The following ANKRD55 variants were observed in gnomAD, a reference collection of about 807,000 sequenced individuals.
ANKRD55 encodes the protein ankyrin repeat domain 55.
Under a neutral mutation model 60.6 loss-of-function variants are expected in ANKRD55, and 41 were observed. The observed-to-expected ratio is 0.68, with a 90% confidence interval of 0.53 to 0.88. The LOEUF (loss-of-function observed/expected upper bound fraction) is 0.88, where lower values mean the gene tolerates loss of function less well. Ranked by LOEUF, ANKRD55 falls within the 40% of genes least tolerant of loss-of-function variation. The pLI is 0.00. For missense variants in ANKRD55, 732 were observed against 767.6 expected (o/e 0.95, Z 0.55); for synonymous variants, 264 against 290.3 (o/e 0.91, Z 0.92).
At chr5:56,157,667 T>C (rs1758227199) in intron 6 of ANKRD55, among the ~76,000 whole-genome samples, 1 of 152,226 alleles carries the variant, frequency 6.6e-6, no homozygotes, top group South Asian at 2.1e-4. Flanking sequence ...AGCACTTTTT[T>C]CTTAACCTTG....
chr5:56,191,993 A>T (rs1759105022), intron 2 of ANKRD55, among the ~76,000 whole-genome samples: 1 of 152,226 alleles, frequency 6.6e-6, no homozygotes, highest in Non-Finnish European at 1.5e-5. Context: ...GTCCTAATGG[A>T]ATCTAAAATG....
chr5:56,230,909 T>C (rs1238032966), intron 2 of ANKRD55, among the ~76,000 whole-genome samples: 1 of 152,136 alleles, frequency 6.6e-6, no homozygotes, highest in Non-Finnish European at 1.5e-5. Flanking sequence ...GCAATAATAA[T>C]AACAGCTGCA....
intron 5 of ANKRD55, among the ~76,000 whole-genome samples, chr5:56,163,468 G>A (rs925450321): frequency 1.3e-5 from 2 of 152,178 alleles, no homozygotes; most frequent in Admixed American, 6.5e-5. Context: ...CATCAGCCAA[G>A]TTCAGACTCC....
At chr5:56,132,970 C>T (rs780912243) in intron 7 of ANKRD55, among the ~76,000 whole-genome samples, 16 of 152,178 alleles carry the variant, frequency 1.1e-4, no homozygotes, top group Non-Finnish European at 2.4e-4. Context: ...TCCAAGAAGA[C>T]ATAACGATCC....
chr5:56,133,225 G>A (rs2111736104), intron 7 of ANKRD55, among the ~76,000 whole-genome samples: 1 of 150,570 alleles, frequency 6.6e-6, no homozygotes, highest in East Asian at 1.9e-4. Flanking sequence ...CAGATCACAA[G>A]GTCGGGAGTT....
intron 2 of ANKRD55, among the ~76,000 whole-genome samples, chr5:56,210,063 C>T (rs903811253): frequency 6.6e-6 from 1 of 151,518 alleles, no homozygotes; most frequent in African/African-American, 2.4e-5. Context: ...GCTGGAGTGC[C>T]GTGGCACAAT....
intron 2 of ANKRD55, among the ~76,000 whole-genome samples, chr5:56,190,710 T>C (rs1426073008): frequency 6.6e-6 from 1 of 152,114 alleles, no homozygotes; most frequent in Admixed American, 6.5e-5. Flanking sequence ...GTGGTGAGGA[T>C]GATCTCATGG....
intron 7 of ANKRD55, chr5:56,137,567 G>GA (rs70995773): frequency 0.029 from 16,908 of 589,228 alleles, 49 homozygotes; most frequent in Non-Finnish European, 0.035. Context: ...AAAAGTAAAA[G>GA]AAAAAAAAAA....
chr5:56,100,331 C>A, intron 11 of ANKRD55, 27 bp from the exon 12 acceptor site: 1 of 1,613,506 alleles, frequency 6.2e-7, no homozygotes, highest in Non-Finnish European at 8.5e-7. Context: ...GAACAAGAGA[C>A]TTTCAAGATT....
At chr5:56,136,993 A>T in intron 7 of ANKRD55, 1 of 654,108 alleles carries the variant, frequency 1.5e-6, no homozygotes, top group Non-Finnish European at 2.9e-6. Flanking sequence ...TTCGCTCTTC[A>T]CTTGACCCAG....
chr5:56,188,362 CT>C lies in ANKRD55; in HGVS notation c.59-4729del, dbSNP rs200971929. 1.4e-3 allele frequency among the ~76,000 whole-genome samples: 182 copies of C among 132,780 alleles called. 1 individual carries two copies. The highest frequency in any genetic ancestry group is 5.3e-3 in the African/African-American group (162 of 30,376). 87.1% of individuals were successfully genotyped at this position (132,780 alleles called of 152,430 possible). The stretch of plus-strand genomic sequence containing the variant: ...CTGCCCCCGCAACCCCGCCACCCCC[CT>C]ACAACCAAAAAAAAAGAAAAAGAAA... On this transcript the variant is annotated intron_variant, in intron 2 of 11. Transcript: ENST00000341048.
At chr5:56,157,822 G>C (rs969700729) in intron 6 of ANKRD55, among the ~76,000 whole-genome samples, 6 of 152,096 alleles carry the variant, frequency 3.9e-5, no homozygotes, top group African/African-American at 9.7e-5. Flanking sequence ...CGGAGCCGGC[G>C]CGCGTCCTCC....
intron 6 of ANKRD55, among the ~76,000 whole-genome samples, chr5:56,149,839 ACTT>A (rs1476528341): frequency 4.0e-5 from 6 of 150,254 alleles, no homozygotes; most frequent in South Asian, 2.1e-4. Context: ...ATTTTCACTA[ACTT>A]CTTTTTTTTT....
intron 6 of ANKRD55, 141 bp from the exon 7 acceptor site, chr5:56,144,070 A>T: frequency 9.0e-7 from 1 of 1,106,340 alleles, no homozygotes; most frequent in Non-Finnish European, 1.3e-6. Flanking sequence ...TCATTCATTA[A>T]TCCATTCATT....
At chr5:56,173,552 CTCTCT>C (rs1758658244) in intron 4 of ANKRD55, among the ~76,000 whole-genome samples, 1 of 78,070 alleles carries the variant, frequency 1.3e-5, no homozygotes, top group Non-Finnish European at 2.4e-5. Context: ...CTCTCTCTCT[CTCTCT>C]CTCTCTCTCT....
chr5:56,162,080 G>T (rs1758346378), intron 5 of ANKRD55: 3 of 980,722 alleles, frequency 3.1e-6, no homozygotes, highest in Non-Finnish European at 3.6e-6. Flanking sequence ...CTGAGGGACT[G>T]GGGGAGGAGG....
chr5:56,106,325 A>G (rs1756465437), intron 10 of ANKRD55, among the ~76,000 whole-genome samples: 1 of 151,866 alleles, frequency 6.6e-6, no homozygotes, highest in African/African-American at 2.4e-5. Flanking sequence ...CAACAACGAC[A>G]ACACCCACTT....
At chr5:56,200,307 G>T (rs917614101) in intron 2 of ANKRD55, among the ~76,000 whole-genome samples, 32 of 151,778 alleles carry the variant, frequency 2.1e-4, no homozygotes, top group African/African-American at 7.5e-4. Flanking sequence ...AAATACTCTA[G>T]TAGGTTTTTT....
intron 2 of ANKRD55, among the ~76,000 whole-genome samples, chr5:56,218,797 G>GAC (rs1232223260): frequency 1.3e-5 from 2 of 151,964 alleles, no homozygotes; most frequent in South Asian, 2.1e-4. Flanking sequence ...GAGGGAGAGA[G>GAC]ACACACACAC....
Sources: allele counts gnomAD v4.1 joint callset (sites outside exome capture counted in the v4.1 genomes callset), GRCh38; gene constraint gnomAD v4.1.1; transcripts MANE v1.5; gene names NCBI Gene and HGNC (gene_info 2026-07-23, HGNC 2026-07-21).